The following CCDC91 variants were observed in gnomAD, a reference collection of about 807,000 sequenced individuals.
The protein encoded by CCDC91 is coiled-coil domain-containing protein 91.
In CCDC91, 48 loss-of-function variants were observed where a neutral mutation model predicts 63.2. That is an observed-to-expected ratio of 0.76 (90% confidence interval 0.60 to 0.97). CCDC91 has a LOEUF of 0.97. CCDC91 is among the 50% of genes least tolerant of loss of function. The pLI, the probability that CCDC91 is intolerant of heterozygous loss-of-function variation, is 0.00. For missense variants in CCDC91, 500 were observed against 494.6 expected, an observed-to-expected ratio of 1.01 and a Z score of -0.10; for synonymous variants, 167 against 165.8, an observed-to-expected ratio of 1.01 and a Z score of -0.06.
intron 6 of CCDC91, among the ~76,000 whole-genome samples, chr12:28,316,206 T>G (rs1939842365): frequency 6.6e-6 from 1 of 151,962 alleles, no homozygotes. Flanking sequence ...GTTTGTTTTA[T>G]TCTCTGACTG....
intron 7 of CCDC91, among the ~76,000 whole-genome samples, chr12:28,375,057 T>G (rs780782230): frequency 1.6e-4 from 25 of 152,008 alleles, no homozygotes; most frequent in Non-Finnish European, 3.1e-4. Flanking sequence ...ATTACGAGCA[T>G]AGATTTTTGA....
In CCDC91 at chr12:28,262,230, C is replaced by G. The variant is rs181565984; in HGVS notation, c.109+2788C>G. Among the ~76,000 whole-genome samples the G allele has an allele frequency of 1.2e-3, 189 of 152,036 alleles. 1 individual carries two copies. Among genetic ancestry groups the G allele is most frequent in the African/African-American group, 4.5e-3 (185 of 41,522 alleles). ...AATTTTCTCCTTTTTTCCCACCTAC[C>G]TGTATCTTAGCTGTCTATAATCCAT... On this transcript the variant is annotated intron_variant, in intron 3 of 12. Coordinates refer to ENST00000536442, the MANE Select transcript of CCDC91 (RefSeq NM_018318.5).
At chr12:28,545,542 A>T (rs1033830082) in intron 12 of CCDC91, among the ~76,000 whole-genome samples, 1 of 152,048 alleles carries the variant, frequency 6.6e-6, no homozygotes, top group African/African-American at 2.4e-5. Context: ...CTCCTCATAC[A>T]GTATCGGTTC....
intron 8 of CCDC91, among the ~76,000 whole-genome samples, chr12:28,423,980 T>C (rs1336616964): frequency 6.6e-6 from 1 of 152,148 alleles, no homozygotes; most frequent in East Asian, 1.9e-4. Context: ...TTGAAATAAA[T>C]TGCATATTTG....
intron 1 of CCDC91, among the ~76,000 whole-genome samples, chr12:28,209,601 T>G (rs912563246): frequency 6.6e-6 from 1 of 152,146 alleles, no homozygotes; most frequent in African/African-American, 2.4e-5. Flanking sequence ...TGGCTCATTT[T>G]TGTATTTTTA....
At chr12:28,227,651 A>G (rs911948915) in intron 1 of CCDC91, among the ~76,000 whole-genome samples, 1 of 151,870 alleles carries the variant, frequency 6.6e-6, no homozygotes, top group Admixed American at 6.6e-5. Context: ...GGGATCCTTT[A>G]GTTTTCCTTT....
At chr12:28,457,112 G>C (rs1023976144) in intron 11 of CCDC91, among the ~76,000 whole-genome samples, 9 of 152,036 alleles carry the variant, frequency 5.9e-5, no homozygotes, top group Non-Finnish European at 1.5e-5. Flanking sequence ...TGAGTAGCCA[G>C]GCATTCATCC....
intron 6 of CCDC91, among the ~76,000 whole-genome samples, chr12:28,338,731 A>G (rs1157892696): frequency 6.6e-6 from 1 of 152,130 alleles, no homozygotes; most frequent in African/African-American, 2.4e-5. Flanking sequence ...GACCAGTAGG[A>G]TGCCATTGCC....
At chr12:28,215,876 AAG>A (rs1276876178) in intron 1 of CCDC91, among the ~76,000 whole-genome samples, 2 of 152,116 alleles carry the variant, frequency 1.3e-5, no homozygotes, top group African/African-American at 2.4e-5. Flanking sequence ...TAGATTATTG[AAG>A]ATAGTCATTA....
intron 1 of CCDC91, among the ~76,000 whole-genome samples, chr12:28,212,048 C>T (rs1943268286): frequency 1.3e-5 from 2 of 152,132 alleles, no homozygotes; most frequent in Non-Finnish European, 2.9e-5. Context: ...GCTCAAAACA[C>T]AAATCCATGG....
At chr12:28,342,501 T>C (rs1279423341) in intron 6 of CCDC91, among the ~76,000 whole-genome samples, 1 of 152,104 alleles carries the variant, frequency 6.6e-6, no homozygotes, top group Non-Finnish European at 1.5e-5. Context: ...TCAGGATGAG[T>C]ATAGAAAATT....
intron 3 of CCDC91, among the ~76,000 whole-genome samples, chr12:28,297,918 A>C (rs1343785337): frequency 1.3e-5 from 2 of 151,800 alleles, no homozygotes; most frequent in East Asian, 3.9e-4. Flanking sequence ...GTTACTATAA[A>C]ATAACATTTT....
intron 1 of CCDC91, among the ~76,000 whole-genome samples, chr12:28,254,509 C>T (rs1946315589): frequency 6.6e-6 from 1 of 152,086 alleles, no homozygotes; most frequent in African/African-American, 2.4e-5. Flanking sequence ...AATAAGCCCA[C>T]ATTTGTATAT....
chr12:28,363,801 C>T lies in CCDC91; in HGVS notation c.654+1286C>T, dbSNP rs533014049. Among the ~76,000 whole-genome samples, 17 of 142,586 alleles carry T rather than the reference C, an allele frequency of 1.2e-4. No homozygotes were observed. In the East Asian group the frequency reaches 3.7e-3, roughly 31 times the overall value. The allele number at this position is 142,586 out of a possible 152,430, so 93.5% of individuals were successfully genotyped here. ...CTGAGGCAGGAGAATGGCATGAACC[C>T]GGGAGGCGGAGCTTGCAGTGAGCCG... On this transcript the variant is annotated intron_variant, in intron 7 of 12. Transcript: ENST00000536442.
chr12:28,393,466 TTGTC>T (rs1258030466), intron 8 of CCDC91, among the ~76,000 whole-genome samples: 3 of 152,276 alleles, frequency 2.0e-5, no homozygotes, highest in South Asian at 2.1e-4. Context: ...AACCTCATAT[TTGTC>T]TGTCTGTCTC....
intron 1 of CCDC91, among the ~76,000 whole-genome samples, chr12:28,238,720 A>G (rs191433333): frequency 6.6e-6 from 1 of 152,290 alleles, no homozygotes; most frequent in Non-Finnish European, 1.5e-5. Context: ...ATATCTACAT[A>G]ATAGAATCTT....
In CCDC91 at chr12:28,458,455, C is replaced by CTTTTTTTTTTTTTTTTTT. The variant is rs60083355; in HGVS notation, c.1101+5816_1101+5833dup. The stretch of plus-strand genomic sequence containing the variant: ...TTCCCTTTTGTCCTCATTTGCACAC[C>CTTTTTTTTTTTTTTTTTT]TTTTTTTTTTTTTTTTTTTTTTTTT... On this transcript the variant is annotated intron_variant, in intron 11 of 12. Transcript: ENST00000536442. Among the ~76,000 whole-genome samples the CTTTTTTTTTTTTTTTTTT allele has an allele frequency of 1.3e-4, 6 of 45,792 alleles. 1 individual carries two copies. Among genetic ancestry groups the CTTTTTTTTTTTTTTTTTT allele is most frequent in the African/African-American group, 6.6e-4 (6 of 9,060 alleles). 30.0% of individuals were successfully genotyped at this position (45,792 alleles called of 152,430 possible).
intron 8 of CCDC91, among the ~76,000 whole-genome samples, chr12:28,417,204 T>C (rs1397240831): frequency 5.3e-5 from 8 of 152,106 alleles, no homozygotes; most frequent in Non-Finnish European, 7.4e-5. Context: ...TAATTTTTAA[T>C]TTTTTTGCTT....
intron 1 of CCDC91, among the ~76,000 whole-genome samples, chr12:28,200,317 GGGTGTTTCTC>G (rs1942125646): frequency 6.9e-6 from 1 of 144,706 alleles, no homozygotes; most frequent in Non-Finnish European, 1.5e-5. Flanking sequence ...GATTATTCTT[GGGTGTTTCTC>G]GCAGAGGGGG....
Sources: gnomAD v4.1 joint callset for allele counts (sites outside exome capture counted in the v4.1 genomes callset) on GRCh38, gnomAD v4.1.1 for gene constraint, MANE v1.5 for transcripts, NCBI Gene and HGNC (gene_info 2026-07-23, HGNC 2026-07-21) for gene names.